CNBD1: variants seen among roughly 807,000 people sequenced by gnomAD.
CNBD1 encodes cyclic nucleotide binding domain containing 1, also known as cyclic nucleotide-binding domain-containing protein 1.
A neutral mutation model predicts 54.4 loss-of-function variants in CNBD1; 71 were observed. That is an observed-to-expected ratio of 1.30 (90% CI 1.08 to 1.59). The LOEUF (loss-of-function observed/expected upper bound fraction) is 1.59, where lower values mean the gene tolerates loss of function less well. Among genes scored for constraint, CNBD1 ranks in the 40% most tolerant of loss-of-function variants. CNBD1 has a pLI of 0.00. For missense variants in CNBD1, 659 were observed against 518.0 expected (o/e 1.27, Z -2.64); for synonymous variants, 182 against 170.7 (o/e 1.07, Z -0.51).
At position 87,373,822 on chromosome 8, in the gene CNBD1, AC is replaced by A. The variant is rs1810869364; in HGVS notation, c.1304-8796del. Among the ~76,000 whole-genome samples the A allele has an allele frequency of 2.6e-5, 4 of 151,794 alleles. No homozygotes were observed. In the South Asian group the frequency reaches 8.3e-4, roughly 31 times the overall value. ...AATTTCAGGCCAAGTTTCTGTGTAA[AC>A]CTTAAACTTCAATATTTTTAGATAG... is the stretch of plus-strand genomic sequence containing the variant. On this transcript the variant is annotated intron_variant, in intron 10 of 10. Coordinates refer to ENST00000518476, the MANE Select transcript of CNBD1 (RefSeq NM_173538.3).
At chr8:87,235,036 A>G (rs550259995) in intron 5 of CNBD1, among the ~76,000 whole-genome samples, 2 of 152,268 alleles carry the variant, frequency 1.3e-5, no homozygotes, top group South Asian at 2.1e-4. Flanking sequence ...TATGTCTTCT[A>G]TCTTTAAACC....
intron 6 of CNBD1, among the ~76,000 whole-genome samples, chr8:87,277,415 C>A (rs1808507191): frequency 6.6e-6 from 1 of 151,676 alleles, no homozygotes; most frequent in Non-Finnish European, 1.5e-5. Flanking sequence ...AGAACTCATC[C>A]AAAGACATCT....
intron 10 of CNBD1, among the ~76,000 whole-genome samples, chr8:87,365,200 C>T (rs1327058483): frequency 6.6e-6 from 1 of 151,906 alleles, no homozygotes; most frequent in Admixed American, 6.6e-5. Flanking sequence ...GCTATTCTGA[C>T]TGATGTGATG....
intron 4 of CNBD1, among the ~76,000 whole-genome samples, chr8:87,149,479 A>AG (rs1812557094): frequency 6.6e-6 from 1 of 152,218 alleles, no homozygotes; most frequent in Non-Finnish European, 1.5e-5. Flanking sequence ...CTCTGTGCAC[A>AG]GGAAGAAATG....
chr8:87,066,884 G>A (rs140224725), intron 4 of CNBD1, among the ~76,000 whole-genome samples: 225 of 151,694 alleles, frequency 1.5e-3, no homozygotes, highest in African/African-American at 5.2e-3. Flanking sequence ...TACAATCACC[G>A]ATGTAATTAC....
intron 4 of CNBD1, among the ~76,000 whole-genome samples, chr8:86,981,524 T>G (rs1808487680): frequency 6.6e-6 from 1 of 152,196 alleles, no homozygotes; most frequent in Non-Finnish European, 1.5e-5. Flanking sequence ...TGGCAATGTG[T>G]ACAATTATAT....
At chr8:87,278,584 C>G (rs1299172878) in intron 6 of CNBD1, among the ~76,000 whole-genome samples, 1 of 151,252 alleles carries the variant, frequency 6.6e-6, no homozygotes, top group Non-Finnish European at 1.5e-5. Flanking sequence ...TGAATGAAGG[C>G]AAAATAACGT....
rs1471413801 is a variant in CNBD1 at position 87,236,794 on chromosome 8, C to T, written c.578-125C>T. The T allele has an allele frequency of 3.5e-5, 18 of 514,050 alleles. 1 individual carries two copies. Among genetic ancestry groups the T allele is most frequent in the Non-Finnish European group, 5.7e-5 (17 of 298,302 alleles). 31.8% of individuals were successfully genotyped at this position (514,050 alleles called of 1,614,324 possible). ...TTGAAAATGCCTATTACATTAAATT[C>T]ACTGTTACAGAATACACTGAAAGAA... On this transcript the variant is annotated intron_variant, in intron 5 of 10. Coordinates refer to ENST00000518476, the MANE Select transcript of CNBD1 (RefSeq NM_173538.3).
chr8:87,081,627 T>G (rs1419577646), intron 4 of CNBD1, among the ~76,000 whole-genome samples: 1 of 151,294 alleles, frequency 6.6e-6, no homozygotes, highest in Non-Finnish European at 1.5e-5. Context: ...TGCCGCAGCC[T>G]CCTGAGTAGC....
At chr8:86,972,416 A>T (rs1307102321) in intron 4 of CNBD1, among the ~76,000 whole-genome samples, 2 of 152,160 alleles carry the variant, frequency 1.3e-5, no homozygotes, top group Non-Finnish European at 2.9e-5. Context: ...ACTTGTCAAA[A>T]AGTCTTGAGT....
chr8:87,344,304 G>C (rs28491438), intron 8 of CNBD1, among the ~76,000 whole-genome samples: 1 of 151,826 alleles, frequency 6.6e-6, no homozygotes, highest in Non-Finnish European at 1.5e-5. Context: ...AATAGTTTCA[G>C]AATAATCAAA....
intron 6 of CNBD1, among the ~76,000 whole-genome samples, chr8:87,278,727 A>G (rs2130864784): frequency 6.6e-6 from 1 of 151,696 alleles, no homozygotes; most frequent in South Asian, 2.1e-4. Flanking sequence ...AGAACTGAAG[A>G]ACAAAGAAAC....
chr8:87,123,550 T>C (rs972073721), intron 4 of CNBD1, among the ~76,000 whole-genome samples: 3 of 151,740 alleles, frequency 2.0e-5, no homozygotes, highest in African/African-American at 7.2e-5. Context: ...TAGCATTTAA[T>C]GCTTATATCA....
intron 4 of CNBD1, among the ~76,000 whole-genome samples, chr8:87,169,783 G>C (rs1303251996): frequency 6.6e-6 from 1 of 152,058 alleles, no homozygotes; most frequent in African/African-American, 2.4e-5. Context: ...TTTTATGCCA[G>C]TACCATGCCA....
chr8:87,309,385 A>G (rs1442618099), intron 8 of CNBD1, among the ~76,000 whole-genome samples: 1 of 152,046 alleles, frequency 6.6e-6, no homozygotes, highest in African/African-American at 2.4e-5. Flanking sequence ...GGTACCTAAT[A>G]TTTTAGCTGT....
chr8:87,298,590 T>C (rs1423853362), intron 8 of CNBD1, among the ~76,000 whole-genome samples: 1 of 151,526 alleles, frequency 6.6e-6, no homozygotes, highest in Non-Finnish European at 1.5e-5. Context: ...GTTCAAGTCA[T>C]TATCCTGCTT....
intron 10 of CNBD1, among the ~76,000 whole-genome samples, chr8:87,356,345 G>A (rs769295032): frequency 1.3e-5 from 2 of 152,256 alleles, no homozygotes; most frequent in Non-Finnish European, 2.9e-5. Flanking sequence ...AAATAGTTGT[G>A]AACAAAATAC....
chr8:87,109,986 T>C (rs1029637669), intron 4 of CNBD1, among the ~76,000 whole-genome samples: 3 of 152,194 alleles, frequency 2.0e-5, no homozygotes, highest in Admixed American at 6.5e-5. Flanking sequence ...CCAATTTTGC[T>C]TCTTTCAGAC....
At chr8:87,360,218 C>T (rs190528948) in intron 10 of CNBD1, among the ~76,000 whole-genome samples, 54 of 151,948 alleles carry the variant, frequency 3.6e-4, no homozygotes, top group Admixed American at 6.6e-4. Flanking sequence ...ATGTTAAATG[C>T]TCTACTGGAG....
Sources: allele counts gnomAD v4.1 joint callset (sites outside exome capture counted in the v4.1 genomes callset), GRCh38; gene constraint gnomAD v4.1.1; transcripts MANE v1.5; gene names NCBI Gene and HGNC (gene_info 2026-07-23, HGNC 2026-07-21).